SLC35F2: variants seen among roughly 807,000 people sequenced by gnomAD.
SLC35F2 encodes the protein solute carrier family 35 member F2, also known as queuine/queuosine transporter SLC35F2.
A neutral mutation model predicts 38.1 loss-of-function variants in SLC35F2; 25 were observed. The observed-to-expected ratio is 0.66, with a 90% CI of 0.48 to 0.92. The LOEUF (loss-of-function observed/expected upper bound fraction) is 0.92, where lower values mean the gene tolerates loss of function less well. Ranked by LOEUF, SLC35F2 falls within the 40% of genes least tolerant of loss-of-function variation. The pLI, the probability that SLC35F2 is intolerant of heterozygous loss-of-function variation, is 0.00. For synonymous variants in SLC35F2, 173 were observed against 181.7 expected, an observed-to-expected ratio of 0.95 and a Z score of 0.38; for missense variants, 409 against 452.9, an observed-to-expected ratio of 0.90 and a Z score of 0.88.
chr11:107,811,432 A>G (rs1201021531), intron 3 of SLC35F2, among the ~76,000 whole-genome samples: 2 of 152,244 alleles, frequency 1.3e-5, no homozygotes, highest in African/African-American at 4.8e-5. Flanking sequence ...CTTATTTGGT[A>G]GGAACTGTTC....
intron 1 of SLC35F2, among the ~76,000 whole-genome samples, chr11:107,855,451 G>A (rs955924886): frequency 2.6e-5 from 4 of 151,952 alleles, no homozygotes; most frequent in Admixed American, 1.3e-4. Context: ...TTGGGAGTTC[G>A]AGAACAGCCT....
At chr11:107,843,869 ATATAT>A (rs1211089022) in intron 1 of SLC35F2, among the ~76,000 whole-genome samples, 16 of 37,654 alleles carry the variant, frequency 4.2e-4, no homozygotes, top group African/African-American at 1.9e-3. Context: ...AAAAAAAAAA[ATATAT>A]ATATATATAT....
chr11:107,858,634 C>A (rs770745331), intron 1 of SLC35F2, 24 bp downstream of exon 1: 2 of 1,273,288 alleles, frequency 1.6e-6, no homozygotes. Flanking sequence ...CCCAGCGGAG[C>A]TGCAGCACGC....
intron 3 of SLC35F2, 47 bp downstream of exon 3, chr11:107,811,620 T>G: frequency 6.5e-7 from 1 of 1,544,488 alleles, no homozygotes; most frequent in East Asian, 2.3e-5. Flanking sequence ...TTCGTGTTCT[T>G]CTTTTGAAGC....
chr11:107,848,936 ATTTC>A (rs1263805953), intron 1 of SLC35F2, among the ~76,000 whole-genome samples: 1 of 152,080 alleles, frequency 6.6e-6, no homozygotes, highest in Non-Finnish European at 1.5e-5. Context: ...ATGCAGTGAG[ATTTC>A]TTTCTTTTTT....
chr11:107,852,217 A>G (rs1212514426), intron 1 of SLC35F2, among the ~76,000 whole-genome samples: 2 of 151,994 alleles, frequency 1.3e-5, no homozygotes, highest in Non-Finnish European at 2.9e-5. Flanking sequence ...CAGGAGTTCA[A>G]GACCAGCTCA....
At chr11:107,809,870 T>C (rs1444814628) in intron 3 of SLC35F2, 1 of 985,128 alleles carries the variant, frequency 1.0e-6, no homozygotes, top group Non-Finnish European at 1.2e-6. Context: ...AGGACTGCAT[T>C]CTAGGAAGAA....
chr11:107,816,267 C>CGTGTGT lies in SLC35F2; in HGVS notation c.111-308_111-303dup, dbSNP rs72313181. The CGTGTGT allele has an allele frequency of 7.2e-3, 6,833 of 953,464 alleles. 281 individuals are homozygous for CGTGTGT. In the African/African-American group the frequency reaches 0.11, roughly 15 times the overall value. The allele number at this position is 953,464 out of a possible 1,614,324, so 59.1% of individuals were successfully genotyped here. On this transcript the variant is annotated intron_variant, in intron 1 of 7. Transcript: ENST00000525815. Reference sequence around the variant, plus strand: ...TAACATATACTTTGTAAAGTGCGCACGTGTGTGTGTGTGTGTATGACTTTT... The same window carrying CGTGTGT: ...TAACATATACTTTGTAAAGTGCGCACGTGTGTGTGTGTGTGTGTGTGTATGACTTTT...
At chr11:107,805,788 T>G in intron 4 of SLC35F2, 2 of 419,266 alleles carry the variant, frequency 4.8e-6, no homozygotes, top group Non-Finnish European at 6.4e-6. Flanking sequence ...GTGATTCTCC[T>G]GCCTCAGCCT....
intron 1 of SLC35F2, among the ~76,000 whole-genome samples, chr11:107,820,002 T>C (rs138263260): frequency 7.2e-5 from 11 of 152,172 alleles, no homozygotes; most frequent in African/African-American, 2.6e-4. Flanking sequence ...ACACCTGTAA[T>C]CCCAGCAATT....
intron 1 of SLC35F2, among the ~76,000 whole-genome samples, chr11:107,828,377 T>C (rs488030): frequency 0.37 from 54,140 of 147,904 alleles, 9,904 homozygotes; most frequent in South Asian, 0.47. Flanking sequence ...GAGGTTGCAG[T>C]GAACTGAGAT....
chr11:107,845,772 G>GT (rs1860096279), intron 1 of SLC35F2, among the ~76,000 whole-genome samples: 1 of 151,838 alleles, frequency 6.6e-6, no homozygotes, highest in South Asian at 2.1e-4. Context: ...GGCCAACATG[G>GT]TAAAACCCCA....
intron 7 of SLC35F2, 35 bp downstream of exon 7, chr11:107,802,955 TGGATCCAAGCA>T: frequency 6.6e-7 from 1 of 1,520,290 alleles, no homozygotes. Flanking sequence ...CTACGTTTTT[TGGATCCAAGCA>T]AGTATTCTTA....
chr11:107,824,659 CT>C (rs1360320597), intron 1 of SLC35F2, among the ~76,000 whole-genome samples: 11 of 152,268 alleles, frequency 7.2e-5, no homozygotes, highest in African/African-American at 2.4e-4. Context: ...TCTCTTATGT[CT>C]TTTTTAAGTG....
rs116206330 is a variant in SLC35F2, at chr11:107,858,474, C to T, written c.110+184G>A. The T allele has an allele frequency of 3.1e-3, 1,456 of 466,488 alleles. 16 individuals carry two copies. Among genetic ancestry groups the T allele is most frequent in the African/African-American group, 0.027 (1,343 of 49,716 alleles). 28.9% of individuals were successfully genotyped at this position (466,488 alleles called of 1,614,324 possible). A position where few individuals can be genotyped will look rare whatever the true frequency, so the allele number is the denominator to read the frequency against. On this transcript the variant is annotated intron_variant, in intron 1 of 7. Transcript: ENST00000525815. ...GCCGAGGGAGACGCACCAAGTGCTT[C>T]CCGACGCCAGGTGAAGCGCACCATA...
Position 107,791,124 on chromosome 11 carries a change from C to A in SLC35F2, c.*1491G>T, listed in dbSNP as rs971685960. On this transcript the variant is annotated 3_prime_UTR_variant, in exon 8 of 8. Coordinates refer to ENST00000525815, the MANE Select transcript of SLC35F2 (RefSeq NM_017515.5). ...GTTGGTTGTTATTATACTGATGACA[C>A]ATATTAACACTTTGTATTGAAGAAG... 6.6e-6 allele frequency: 1 copy of A among 152,520 alleles called. No individual in the cohort carries two copies. Among genetic ancestry groups the A allele is most frequent in the Non-Finnish European group, 1.5e-5 (1 of 68,024 alleles). 9.4% of individuals were successfully genotyped at this position (152,520 alleles called of 1,614,324 possible).
intron 1 of SLC35F2, among the ~76,000 whole-genome samples, chr11:107,855,111 T>C (rs149396400): frequency 2.3e-4 from 35 of 152,260 alleles, no homozygotes; most frequent in African/African-American, 7.7e-4. Context: ...ATCCAAGTGC[T>C]TGGATGGCTG....
At chr11:107,824,798 T>C (rs1859727984) in intron 1 of SLC35F2, among the ~76,000 whole-genome samples, 1 of 152,226 alleles carries the variant, frequency 6.6e-6, no homozygotes, top group Non-Finnish European at 1.5e-5. Context: ...CCCTGTCTTT[T>C]GGTAACCTCT....
chr11:107,843,914 T>TCCC (rs1860062200), intron 1 of SLC35F2, among the ~76,000 whole-genome samples: 1 of 131,720 alleles, frequency 7.6e-6, no homozygotes, highest in African/African-American at 2.8e-5. Context: ...TATATGTATA[T>TCCC]TAATTAAGCC....
Sources: allele counts gnomAD v4.1 joint callset (sites outside exome capture counted in the v4.1 genomes callset), GRCh38; gene constraint gnomAD v4.1.1; transcripts MANE v1.5; gene names NCBI Gene and HGNC (gene_info 2026-07-23, HGNC 2026-07-21).